The following DLG2 variants were observed in gnomAD, a reference collection of about 807,000 sequenced individuals.
DLG2 encodes the protein disks large homolog 2.
In DLG2, 45 loss-of-function variants were observed where a neutral mutation model predicts 132.5. That is an observed-to-expected ratio of 0.34 (90% CI 0.27 to 0.44). The LOEUF is 0.44. DLG2 is among the 20% of genes least tolerant of loss of function. DLG2 has a pLI of 1.00. For synonymous variants in DLG2, 424 were observed against 419.6 expected, an observed-to-expected ratio of 1.01 and a Z score of -0.13; for missense variants, 1,045 against 1,196.9, an observed-to-expected ratio of 0.87 and a Z score of 1.87.
intron 6 of DLG2, among the ~76,000 whole-genome samples, chr11:84,560,150 A>T (rs1477814315): frequency 4.6e-5 from 7 of 152,122 alleles, no homozygotes; most frequent in Non-Finnish European, 1.0e-4. Context: ...CTGGATACCA[A>T]ATTTGGGAAT....
At chr11:83,483,329 G>A (rs761609869) in intron 22 of DLG2, 2 of 1,590,668 alleles carry the variant, frequency 1.3e-6, no homozygotes, top group Non-Finnish European at 1.7e-6. Flanking sequence ...AGAGCAATGA[G>A]AGAGGAAGAA....
At chr11:84,508,295 T>G (rs1257987304) in intron 7 of DLG2, among the ~76,000 whole-genome samples, 1 of 152,200 alleles carries the variant, frequency 6.6e-6, no homozygotes, top group Non-Finnish European at 1.5e-5. Context: ...CTCAAGGCGT[T>G]TTTATTACCT....
chr11:85,191,121 T>C (rs1487586297), intron 4 of DLG2, among the ~76,000 whole-genome samples: 2 of 151,124 alleles, frequency 1.3e-5, no homozygotes, highest in Non-Finnish European at 1.5e-5. Flanking sequence ...ATCTGGGTGA[T>C]GAAATCATTT....
chr11:85,265,091 G>T (rs1444765728), intron 4 of DLG2, among the ~76,000 whole-genome samples: 1 of 152,028 alleles, frequency 6.6e-6, no homozygotes, highest in African/African-American at 2.4e-5. Context: ...TACTCTATTT[G>T]CTCCTATTAC....
At chr11:85,622,627 G>GAA (rs113550955) in intron 2 of DLG2, among the ~76,000 whole-genome samples, 5 of 129,452 alleles carry the variant, frequency 3.9e-5, no homozygotes, top group East Asian at 2.2e-4. Context: ...TTCCCCAGAG[G>GAA]AAAAAAAAAA....
chr11:85,447,082 A>G (rs2092044222), intron 3 of DLG2, among the ~76,000 whole-genome samples: 1 of 152,158 alleles, frequency 6.6e-6, no homozygotes, highest in Non-Finnish European at 1.5e-5. Context: ...TAAATTAAAG[A>G]CCAACTGTAC....
At chr11:85,595,994 T>G (rs1399303778) in intron 3 of DLG2, among the ~76,000 whole-genome samples, 2 of 152,184 alleles carry the variant, frequency 1.3e-5, no homozygotes, top group Admixed American at 1.3e-4. Context: ...GGCTCAAGCC[T>G]ATAATCCAAA....
intron 7 of DLG2, among the ~76,000 whole-genome samples, chr11:84,422,778 A>C (rs535235061): frequency 1.3e-5 from 2 of 152,296 alleles, no homozygotes; most frequent in African/African-American, 4.8e-5. Flanking sequence ...CAGTAAATGG[A>C]GTACCTACTT....
At chr11:84,090,414 CAAAAAA>C (rs397848695) in intron 10 of DLG2, among the ~76,000 whole-genome samples, 1 of 78,602 alleles carries the variant, frequency 1.3e-5, no homozygotes, top group Non-Finnish European at 2.4e-5. Flanking sequence ...GATTTCATCT[CAAAAAA>C]AAAAAAAAAA....
intron 7 of DLG2, among the ~76,000 whole-genome samples, chr11:84,270,397 T>A (rs577286701): frequency 1.3e-5 from 2 of 152,340 alleles, no homozygotes; most frequent in Admixed American, 1.3e-4. Flanking sequence ...GAGGATCTAA[T>A]ATGTGAAATC....
intron 3 of DLG2, among the ~76,000 whole-genome samples, chr11:85,545,159 G>T (rs776667993): frequency 6.6e-6 from 1 of 152,126 alleles, no homozygotes; most frequent in South Asian, 2.1e-4. Flanking sequence ...TTTGAGCTAC[G>T]TTCCATCAAT....
At chr11:84,433,763 A>G (rs1005276178) in intron 7 of DLG2, among the ~76,000 whole-genome samples, 5 of 152,208 alleles carry the variant, frequency 3.3e-5, no homozygotes, top group African/African-American at 1.2e-4. Context: ...AGGAATAAGC[A>G]ATGAGTACAA....
At chr11:84,959,737 T>C (rs2052258636) in intron 6 of DLG2, among the ~76,000 whole-genome samples, 1 of 152,220 alleles carries the variant, frequency 6.6e-6, no homozygotes, top group Non-Finnish European at 1.5e-5. Context: ...ATAATGTTAA[T>C]TAGTCACAAA....
chr11:83,842,904 G>A (rs755163026), intron 16 of DLG2, among the ~76,000 whole-genome samples: 23 of 151,928 alleles, frequency 1.5e-4, no homozygotes, highest in Admixed American at 5.2e-4. Context: ...AACTCTGAGC[G>A]TCTGGGGGCT....
At chr11:84,663,657 T>C (rs1490779484) in intron 6 of DLG2, among the ~76,000 whole-genome samples, 3 of 152,176 alleles carry the variant, frequency 2.0e-5, no homozygotes, top group African/African-American at 4.8e-5. Context: ...GGCACACTTA[T>C]ATATTACCTT....
At chr11:85,503,956 G>C (rs2093866479) in intron 3 of DLG2, among the ~76,000 whole-genome samples, 1 of 151,890 alleles carries the variant, frequency 6.6e-6, no homozygotes, top group Non-Finnish European at 1.5e-5. Flanking sequence ...GGAGGAGGAG[G>C]GACAGTGATG....
rs531386741 is a variant in DLG2 at position 84,410,092 on chromosome 11, T to C, written c.519+124478A>G. ...TAGGCAAGAAGAGCTAATTACTGAC[T>C]GAACCCTGATGGCTGAGCATTCTCA... is the stretch of plus-strand genomic sequence containing the variant. On this transcript the variant is annotated intron_variant, in intron 7 of 27. Coordinates refer to ENST00000376104, the MANE Select transcript of DLG2 (RefSeq NM_001142699.3). Among the ~76,000 whole-genome samples, 34 of 152,356 alleles carry C rather than the reference T, an allele frequency of 2.2e-4. No individual in the cohort carries two copies. The Middle Eastern group carries it at 0.01, about 46-fold the overall frequency.
At chr11:83,996,205 A>G (rs1323881541) in intron 11 of DLG2, among the ~76,000 whole-genome samples, 1 of 152,214 alleles carries the variant, frequency 6.6e-6, no homozygotes, top group African/African-American at 2.4e-5. Flanking sequence ...ACAGACAGCA[A>G]ACAGACATAT....
intron 12 of DLG2, among the ~76,000 whole-genome samples, chr11:83,978,547 A>G (rs2092486200): frequency 6.6e-6 from 1 of 152,054 alleles, no homozygotes; most frequent in South Asian, 2.1e-4. Flanking sequence ...ATAAGAACAA[A>G]CTTTTACATC....
Sources: allele counts gnomAD v4.1 joint callset (sites outside exome capture counted in the v4.1 genomes callset), GRCh38; gene constraint gnomAD v4.1.1; transcripts MANE v1.5; gene names NCBI Gene and HGNC (gene_info 2026-07-23, HGNC 2026-07-21).